Variants in CEP83 observed in about 807,000 individuals in gnomAD.
The protein encoded by CEP83 is centrosomal protein of 83 kDa.
Under a neutral mutation model 101.9 loss-of-function variants are expected in CEP83, and 70 were observed. The ratio of observed to expected loss-of-function variants is 0.69; its 90% CI spans 0.57 to 0.84. CEP83 has a LOEUF of 0.84. CEP83 is among the 40% of genes least tolerant of loss of function. The probability of loss-of-function intolerance (pLI) is 0.00; values close to 1 mark genes in which losing one functional copy is unlikely to be tolerated. For missense variants in CEP83, 715 were observed against 787.2 expected (o/e 0.91, Z 1.10); for synonymous variants, 264 against 267.9 (o/e 0.99, Z 0.14).
chr12:94,444,783 A>G (rs887742594), intron 1 of CEP83, among the ~76,000 whole-genome samples: 1 of 151,820 alleles, frequency 6.6e-6, no homozygotes, highest in Non-Finnish European at 1.5e-5. Flanking sequence ...GGCTCACTTC[A>G]CCCCAGGAGT....
At chr12:94,327,856 T>TAGTTTG (rs1394815164) in intron 14 of CEP83, among the ~76,000 whole-genome samples, 1 of 152,238 alleles carries the variant, frequency 6.6e-6, no homozygotes, top group Non-Finnish European at 1.5e-5. Flanking sequence ...TTTGTCTGTC[T>TAGTTTG]AGCACAGTGG....
intron 14 of CEP83, among the ~76,000 whole-genome samples, chr12:94,317,991 G>C (rs958140525): frequency 1.3e-5 from 2 of 152,142 alleles, no homozygotes; most frequent in Non-Finnish European, 2.9e-5. Context: ...AAATAGCACT[G>C]AATCAATAAA....
At chr12:94,289,628 T>C in the CEP83 span, among the ~76,000 whole-genome samples, 1 of 152,218 alleles carries the variant, frequency 6.6e-6, no homozygotes, top group Non-Finnish European at 1.5e-5. Context: ...AATGGCATCT[T>C]TTTAACACTC....
chr12:94,424,488 C>A (rs968034699), intron 2 of CEP83: 39 of 1,613,846 alleles, frequency 2.4e-5, no homozygotes, highest in Non-Finnish European at 3.2e-5. Flanking sequence ...GTGGAGATAA[C>A]CTGGCCAAAG....
Position 94,406,080 on chromosome 12 carries a change from C to T in CEP83, c.325-2818G>A, listed in dbSNP as rs148956141. On this transcript the variant is annotated intron_variant, in intron 4 of 16. Coordinates refer to ENST00000397809, the MANE Select transcript of CEP83 (RefSeq NM_016122.3). ...GTTTCATAAAGAAATTGTTATACTA[C>T]TCAGAAGAGTCTTGCCTCAGTGGTG... is the stretch of plus-strand genomic sequence containing the variant. 2.3e-3 allele frequency among the ~76,000 whole-genome samples: 354 copies of T among 152,262 alleles called. 2 individuals are homozygous for T. Among genetic ancestry groups the T allele is most frequent in the African/African-American group, 8.4e-3 (347 of 41,552 alleles).
At chr12:94,406,051 CT>C (rs1324611807) in intron 4 of CEP83, among the ~76,000 whole-genome samples, 1 of 152,110 alleles carries the variant, frequency 6.6e-6, no homozygotes, top group Non-Finnish European at 1.5e-5. Flanking sequence ...GATTAAAATC[CT>C]TTGTTTCATA....
At chr12:94,433,806 A>G (rs947706340) in intron 2 of CEP83, among the ~76,000 whole-genome samples, 2 of 152,212 alleles carry the variant, frequency 1.3e-5, no homozygotes, top group Admixed American at 1.3e-4. Flanking sequence ...AAGGCCTATC[A>G]GGAAACCAAG....
intron 11 of CEP83, among the ~76,000 whole-genome samples, chr12:94,355,536 G>C (rs2060424721): frequency 6.6e-6 from 1 of 152,172 alleles, no homozygotes; most frequent in South Asian, 2.1e-4. Context: ...CCCAAAGTTA[G>C]TAGAGAGAAC....
At chr12:94,279,930 C>T in the CEP83 span, 2 of 556,284 alleles carry the variant, frequency 3.6e-6, no homozygotes, top group South Asian at 3.5e-5. Context: ...ATTGCAGGCC[C>T]TGAGACTGCA....
At chr12:94,425,078 AG>A in intron 2 of CEP83, 1 of 177,130 alleles carries the variant, frequency 5.6e-6, no homozygotes, top group Non-Finnish European at 1.1e-5. Flanking sequence ...GGGGAGAGGG[AG>A]GGAGGAAAAA....
At chr12:94,356,446 A>C (rs2060479296) in intron 11 of CEP83, among the ~76,000 whole-genome samples, 1 of 152,108 alleles carries the variant, frequency 6.6e-6, no homozygotes, top group Non-Finnish European at 1.5e-5. Context: ...TTTCCAGAGG[A>C]CACTGGGTGA....
At chr12:94,447,299 A>G (rs921231460) in intron 1 of CEP83, among the ~76,000 whole-genome samples, 10 of 152,154 alleles carry the variant, frequency 6.6e-5, no homozygotes, top group South Asian at 4.1e-4. Context: ...GGCTCACTTG[A>G]GCCCAGAAGT....
chr12:94,294,038 T>C, the CEP83 span, among the ~76,000 whole-genome samples: 6,905 of 151,884 alleles, frequency 0.045, 216 homozygotes, highest in Non-Finnish European at 0.072. Flanking sequence ...GATTTAAACA[T>C]AGGAATCTGG....
At chr12:94,282,085 C>T in the CEP83 span, 7 of 487,012 alleles carry the variant, frequency 1.4e-5, no homozygotes, top group Non-Finnish European at 2.6e-5. Context: ...CCAGGCTTAT[C>T]AGGGAAGAAG....
At position 94,308,845 on chromosome 12, in the gene CEP83, G is replaced by T; in HGVS notation, c.2074C>A (p.Gln692Lys). The change falls in exon 17 of 17, where the codon CAA (glutamine) becomes AAA (lysine). Residue 692 changes from glutamine (Q) to lysine (K), a missense_variant. Physicochemically the swap from Gln to Lys is moderately conservative, Grantham distance 53 (BLOSUM62 1). Transcript: ENST00000397809. ...LEELETTQRK[Q>K]LEELGSSGE is the part of the protein sequence containing the mutation. Reference sequence around the variant, plus strand: ...CCGGAAGATCCAAGTTCCTCTAGTTGTTTTCTTTGTGTTGTTTCCAGTTCT... The same window carrying T: ...CCGGAAGATCCAAGTTCCTCTAGTTTTTTTCTTTGTGTTGTTTCCAGTTCT... 1 of 1,612,408 alleles carries T rather than the reference G, an allele frequency of 6.2e-7. No homozygotes were observed.
chr12:94,399,544 T>C (rs1433171276), intron 6 of CEP83, among the ~76,000 whole-genome samples: 1 of 152,190 alleles, frequency 6.6e-6, no homozygotes, highest in African/African-American at 2.4e-5. Context: ...GCCCCATCTC[T>C]ACAAGAGTTT....
At chr12:94,363,472 G>A (rs1008191126) in intron 11 of CEP83, among the ~76,000 whole-genome samples, 1 of 152,184 alleles carries the variant, frequency 6.6e-6, no homozygotes, top group Non-Finnish European at 1.5e-5. Flanking sequence ...ATATAAGCCA[G>A]TAATTCTTCT....
intron 14 of CEP83, among the ~76,000 whole-genome samples, chr12:94,319,952 G>C (rs891788635): frequency 1.3e-5 from 2 of 152,132 alleles, no homozygotes; most frequent in African/African-American, 4.8e-5. Flanking sequence ...GTGGAATGTG[G>C]AAGTCTCCCA....
At position 94,369,963 on chromosome 12, in the gene CEP83, T is replaced by C; in HGVS notation, c.1007A>G (p.Glu336Gly). 1 of 1,609,714 alleles carries C rather than the reference T, an allele frequency of 6.2e-7. No individual in the cohort carries two copies. The highest frequency in any genetic ancestry group is 8.5e-7 in the Non-Finnish European group (1 of 1,176,504). ...AATCTTATTCCTTTCTCTTTCTAGC[T>C]CACTCTTAGCTCTTGCTGTCTCCAG... is the stretch of plus-strand genomic sequence containing the variant. Reference protein sequence around the residue: ...IKLETARAKSELERERNKIQS... With the variant: ...IKLETARAKSGLERERNKIQS... Residue 336 changes from glutamate to glycine, a missense_variant, in exon 9 of 17, where the codon GAG becomes GGG. Transcript: ENST00000397809.
Sources: allele counts gnomAD v4.1 joint callset (sites outside exome capture counted in the v4.1 genomes callset), GRCh38; gene constraint gnomAD v4.1.1; transcripts MANE v1.5; gene names NCBI Gene and HGNC (gene_info 2026-07-23, HGNC 2026-07-21).